BPIFB1: variants seen among roughly 807,000 people sequenced by gnomAD.
The protein encoded by BPIFB1 is BPI fold containing family B member 1.
A neutral mutation model predicts 55.1 loss-of-function variants in BPIFB1; 34 were observed. The ratio of observed to expected loss-of-function variants is 0.62; its 90% CI spans 0.47 to 0.82. The LOEUF (loss-of-function observed/expected upper bound fraction) is 0.82. BPIFB1 is among the 40% of genes least tolerant of loss of function. The probability of loss-of-function intolerance (pLI) is 0.00; values close to 1 mark genes in which losing one functional copy is unlikely to be tolerated. For missense variants in BPIFB1, 532 were observed against 593.1 expected (o/e 0.90, Z 1.07); for synonymous variants, 236 against 245.3 (o/e 0.96, Z 0.35).
chr20:33,284,088 G>T (rs1409845000), intron 1 of BPIFB1, among the ~76,000 whole-genome samples: 1 of 152,196 alleles, frequency 6.6e-6, no homozygotes, highest in African/African-American at 2.4e-5. Context: ...TATCGTGGAA[G>T]CTACCATCTA....
At chr20:33,291,463 G>A (rs1032663341) in intron 5 of BPIFB1, among the ~76,000 whole-genome samples, 5 of 152,180 alleles carry the variant, frequency 3.3e-5, no homozygotes, top group African/African-American at 1.2e-4. Flanking sequence ...TTTGCTCTCC[G>A]GGTGATGATG....
chr20:33,299,113 C>G (rs749145019), intron 7 of BPIFB1: 26 of 456,220 alleles, frequency 5.7e-5, no homozygotes, highest in South Asian at 2.2e-4. Flanking sequence ...CATTTTAAGA[C>G]GAGGAAACAG....
At chr20:33,301,906 G>A (rs992754984) in intron 9 of BPIFB1, among the ~76,000 whole-genome samples, 2 of 152,216 alleles carry the variant, frequency 1.3e-5, no homozygotes, top group African/African-American at 2.4e-5. Context: ...ACCTCCTCCC[G>A]GGTGACTGAC....
chr20:33,284,690 G>A (rs1420384317), intron 1 of BPIFB1, among the ~76,000 whole-genome samples: 2 of 152,126 alleles, frequency 1.3e-5, no homozygotes, highest in Admixed American at 6.5e-5. Flanking sequence ...CTCCAAGCAG[G>A]ACAGTCCACA....
chr20:33,295,781 A>AGAAG (rs369446349), intron 6 of BPIFB1, among the ~76,000 whole-genome samples: 3 of 144,456 alleles, frequency 2.1e-5, no homozygotes, highest in East Asian at 2.1e-4. Flanking sequence ...AAGGAAGGAA[A>AGAAG]GAAGGAAGGA....
Position 33,305,396 on chromosome 20 carries a change from C to T in BPIFB1, c.1254+505C>T, listed in dbSNP as rs192193502. ...GCAGTGGTGTGATCTTGGCTCACTG[C>T]AACCTCCATCTCCCGGGTTCAAGCA... On this transcript the variant is annotated intron_variant, in intron 13 of 15. Transcript: ENST00000253354. 1.5e-3 allele frequency among the ~76,000 whole-genome samples: 213 copies of T among 144,660 alleles called. 1 individual carries two copies. The highest frequency in any genetic ancestry group is 7.4e-3 in the Middle Eastern group (2 of 270). 94.9% of individuals were successfully genotyped at this position (144,660 alleles called of 152,430 possible).
intron 1 of BPIFB1, 109 bp from the exon 2 acceptor site, chr20:33,285,924 G>T: frequency 1.5e-6 from 1 of 657,534 alleles, no homozygotes; most frequent in Non-Finnish European, 2.7e-6. Flanking sequence ...AGCCCAGGCA[G>T]TTAAACACTG....
Position 33,291,025 on chromosome 20 carries a change from C to T in BPIFB1, c.434C>T (p.Thr145Ile). ...TEAQATIRMD[T>I]SASGPTRLVL... The stretch of plus-strand genomic sequence containing the variant: ...GCCCAAGCCACCATCCGCATGGACA[C>T]CAGTGCAAGTGGCCCCACCCGCCTG... Residue 145 changes from threonine (T) to isoleucine (I), a missense_variant, in exon 5 of 16, where the codon ACC becomes ATC. Thr to Ile is a moderately conservative substitution (Grantham distance 89, BLOSUM62 -1). Coordinates refer to ENST00000253354, the MANE Select transcript of BPIFB1 (RefSeq NM_033197.3). 6.2e-7 allele frequency: 1 copy of T among 1,613,924 alleles called. No homozygotes were observed. The highest frequency in any genetic ancestry group is 1.1e-5 in the South Asian group (1 of 91,078).
chr20:33,303,800 T>C (rs1264973921), intron 11 of BPIFB1, among the ~76,000 whole-genome samples, 158 bp from the exon 12 acceptor site: 1 of 152,168 alleles, frequency 6.6e-6, no homozygotes, highest in Non-Finnish European at 1.5e-5. Flanking sequence ...CTATCTCATT[T>C]AACAGATGAG....
chr20:33,292,745 C>T (rs1028087292), intron 6 of BPIFB1, among the ~76,000 whole-genome samples: 1 of 152,174 alleles, frequency 6.6e-6, no homozygotes, highest in East Asian at 1.9e-4. Flanking sequence ...ATTTTAGTTG[C>T]CCCTATTTGT....
chr20:33,293,255 G>A (rs1254602989), intron 6 of BPIFB1, among the ~76,000 whole-genome samples: 1 of 150,386 alleles, frequency 6.6e-6, no homozygotes, highest in Non-Finnish European at 1.5e-5. Context: ...TGTAATAAAT[G>A]AAAAAATTTG....
At chr20:33,302,758 A>G in intron 10 of BPIFB1, 158 bp from the exon 11 acceptor site, 1 of 820,478 alleles carries the variant, frequency 1.2e-6, no homozygotes, top group Non-Finnish European at 1.9e-6. Flanking sequence ...GGTAGGGAGA[A>G]CAACACAACA....
At chr20:33,291,791 G>A in intron 5 of BPIFB1, 116 bp from the exon 6 acceptor site, 1 of 896,638 alleles carries the variant, frequency 1.1e-6, no homozygotes, top group Non-Finnish European at 1.8e-6. Context: ...AACACGTCCT[G>A]TGACCTTGGG....
intron 6 of BPIFB1, among the ~76,000 whole-genome samples, chr20:33,293,148 C>T (rs1408005422): frequency 6.6e-6 from 1 of 152,244 alleles, no homozygotes; most frequent in Non-Finnish European, 1.5e-5. Context: ...GTCTCAAACC[C>T]CTGACCTCAG....
chr20:33,303,324 A>G (rs1166580891), intron 11 of BPIFB1, among the ~76,000 whole-genome samples: 10 of 152,178 alleles, frequency 6.6e-5, no homozygotes, highest in Non-Finnish European at 1.2e-4. Flanking sequence ...AGCTCCTATA[A>G]CTAAAAAGTC....
chr20:33,309,646 C>T lies in BPIFB1; in HGVS notation c.1396-62C>T, dbSNP rs1600672353. ...GTCACCTTATGGAGGACAAAACCAG[C>T]ATAAACCACAAGGCAAAAGGTTAAA... On this transcript the variant is annotated intron_variant, in intron 15 of 15. Transcript: ENST00000253354. The surrounding 1 kb of genome is among the most constrained non-coding windows in gnomAD (Gnocchi z 4.4). The T allele has an allele frequency of 6.5e-7, 1 of 1,533,004 alleles. No individual in the cohort carries two copies. The allele number at this position is 1,533,004 out of a possible 1,614,324, so 95.0% of individuals were successfully genotyped here.
At chr20:33,297,610 C>G in intron 7 of BPIFB1, 22 bp downstream of exon 7, 1 of 1,613,792 alleles carries the variant, frequency 6.2e-7, no homozygotes, top group Non-Finnish European at 8.5e-7. Flanking sequence ...GCTCTCTCTC[C>G]CACTTTTTCC....
At chr20:33,290,842 A>G in intron 4 of BPIFB1, 115 bp from the exon 5 acceptor site, 1 of 1,177,902 alleles carries the variant, frequency 8.5e-7, no homozygotes, top group Non-Finnish European at 1.2e-6. Flanking sequence ...ATGAGGAGAA[A>G]CCAGCAAAGG....
chr20:33,291,035 T>G lies in BPIFB1; in HGVS notation c.444T>G (p.Ser148Arg), dbSNP rs773905339. The part of the protein sequence containing the change: ...QATIRMDTSA[S>R]GPTRLVLSDC... ...CCATCCGCATGGACACCAGTGCAAGTGGCCCCACCCGCCTGGTCCTCAGTG... is the reference window on the plus strand; with the variant it reads ...CCATCCGCATGGACACCAGTGCAAGGGGCCCCACCCGCCTGGTCCTCAGTG... Residue 148 changes from serine (S) to arginine (R), a missense_variant, in exon 5 of 16, where the codon AGT becomes AGG. By Grantham distance (110) the Ser-to-Arg change is moderately radical (BLOSUM62 -1). Transcript: ENST00000253354. The G allele has an allele frequency of 1.2e-6, 2 of 1,613,854 alleles. No individual in the cohort carries two copies.
Sources: gnomAD v4.1 joint callset for allele counts (sites outside exome capture counted in the v4.1 genomes callset) on GRCh38, gnomAD v4.1.1 for gene constraint, Gnocchi (gnomAD v3.1) non-coding constraint, MANE v1.5 for transcripts, NCBI Gene and HGNC (gene_info 2026-07-23, HGNC 2026-07-21) for gene names.